The following RANBP17 variants were observed in gnomAD, a reference collection of about 807,000 sequenced individuals.
RANBP17 encodes the protein ran-binding protein 17.
Under a neutral mutation model 141.2 loss-of-function variants are expected in RANBP17, and 158 were observed. The observed-to-expected ratio is 1.12, with a 90% confidence interval of 0.98 to 1.28. RANBP17 has a LOEUF of 1.28. Among genes scored for constraint, RANBP17 ranks in the 50% most tolerant of loss-of-function variants. RANBP17 has a pLI of 0.00. For synonymous variants in RANBP17, 430 were observed against 450.0 expected, an observed-to-expected ratio of 0.96 and a Z score of 0.56; for missense variants, 1,438 against 1,290.7, an observed-to-expected ratio of 1.11 and a Z score of -1.75.
At chr5:171,126,481 T>C (rs1756480081) in intron 14 of RANBP17, among the ~76,000 whole-genome samples, 1 of 151,976 alleles carries the variant, frequency 6.6e-6, no homozygotes, top group East Asian at 1.9e-4. Flanking sequence ...CAGAGCAGAA[T>C]TAAACATAAT....
intron 14 of RANBP17, among the ~76,000 whole-genome samples, chr5:171,089,140 C>T (rs200625674): frequency 0.094 from 14,124 of 149,572 alleles, 764 homozygotes; most frequent in African/African-American, 0.13. Flanking sequence ...GATGGGTTTT[C>T]GGTGTGGATG....
chr5:171,041,175 G>A (rs934702057), intron 14 of RANBP17, among the ~76,000 whole-genome samples: 2 of 152,098 alleles, frequency 1.3e-5, no homozygotes, highest in Non-Finnish European at 2.9e-5. Flanking sequence ...TCCCCAAAGT[G>A]AGTGATGCAA....
intron 25 of RANBP17, among the ~76,000 whole-genome samples, chr5:171,282,356 T>C (rs1193183956): frequency 1.3e-5 from 2 of 152,196 alleles, no homozygotes. Flanking sequence ...GCCAGTAAGA[T>C]AGGACCCAAG....
chr5:171,089,702 G>T (rs555497768), intron 14 of RANBP17, among the ~76,000 whole-genome samples: 73 of 152,268 alleles, frequency 4.8e-4, no homozygotes, highest in African/African-American at 1.6e-3. Flanking sequence ...GCAATATTCG[G>T]GTGGGAGTGA....
intron 14 of RANBP17, among the ~76,000 whole-genome samples, chr5:171,027,904 G>A (rs763485263): frequency 7.9e-5 from 12 of 151,822 alleles, no homozygotes; most frequent in Non-Finnish European, 1.6e-4. Flanking sequence ...TTGAACTTTT[G>A]CAACCAGTTT....
chr5:171,194,704 GT>G (rs1244877585), intron 18 of RANBP17, among the ~76,000 whole-genome samples: 1 of 152,138 alleles, frequency 6.6e-6, no homozygotes. Flanking sequence ...AATATTTACA[GT>G]TTTCTTGGGT....
At chr5:171,287,231 C>CACTT (rs1561831011) in intron 25 of RANBP17, among the ~76,000 whole-genome samples, 2 of 152,204 alleles carry the variant, frequency 1.3e-5, no homozygotes. Flanking sequence ...TGGCTCACGC[C>CACTT]TGTAATCCCA....
At chr5:170,876,353 G>T (rs1321323776) in intron 1 of RANBP17, among the ~76,000 whole-genome samples, 1 of 151,986 alleles carries the variant, frequency 6.6e-6, no homozygotes, top group Non-Finnish European at 1.5e-5. Flanking sequence ...GCCTCCGATC[G>T]CCACTGCTTC....
At chr5:171,030,193 T>C (rs1355048802) in intron 14 of RANBP17, among the ~76,000 whole-genome samples, 1 of 152,108 alleles carries the variant, frequency 6.6e-6, no homozygotes, top group Non-Finnish European at 1.5e-5. Flanking sequence ...TACTGTTGGC[T>C]TCTTGAGATA....
chr5:171,071,389 G>C (rs1358346979), intron 14 of RANBP17, among the ~76,000 whole-genome samples: 2 of 151,904 alleles, frequency 1.3e-5, no homozygotes, highest in African/African-American at 2.4e-5. Context: ...AAGTGAACTA[G>C]AAGAGCCCCC....
chr5:171,160,343 CA>C (rs1466389845), intron 14 of RANBP17, among the ~76,000 whole-genome samples: 3 of 152,150 alleles, frequency 2.0e-5, no homozygotes, highest in Non-Finnish European at 4.4e-5. Flanking sequence ...CCACTTAGAA[CA>C]TATATCTGTT....
intron 14 of RANBP17, among the ~76,000 whole-genome samples, chr5:171,018,623 C>T (rs1368734626): frequency 6.6e-6 from 1 of 152,170 alleles, no homozygotes. Context: ...TGAGACTTTG[C>T]TGAAGTTCCT....
chr5:171,059,013 T>G (rs1163582408), intron 14 of RANBP17, among the ~76,000 whole-genome samples: 1 of 151,830 alleles, frequency 6.6e-6, no homozygotes, highest in African/African-American at 2.4e-5. Context: ...GGAGTTGTTT[T>G]TTTTTTTTCT....
chr5:170,865,610 G>A (rs959709516), intron 1 of RANBP17, among the ~76,000 whole-genome samples: 6 of 152,190 alleles, frequency 3.9e-5, no homozygotes, highest in African/African-American at 7.2e-5. Context: ...ATATCAGGGG[G>A]AGGTGTTGAG....
At chr5:171,083,428 C>A (rs764310459) in intron 14 of RANBP17, among the ~76,000 whole-genome samples, 1 of 152,150 alleles carries the variant, frequency 6.6e-6, no homozygotes, top group African/African-American at 2.4e-5. Context: ...TATTGGACTT[C>A]CAATCTTCAG....
chr5:171,196,827 T>C (rs1052921659), intron 18 of RANBP17, among the ~76,000 whole-genome samples: 1 of 152,072 alleles, frequency 6.6e-6, no homozygotes, highest in African/African-American at 2.4e-5. Flanking sequence ...AACTTTTTTT[T>C]CTTTTTTTTA....
chr5:171,259,563 C>T (rs1171824115), intron 24 of RANBP17, among the ~76,000 whole-genome samples: 1 of 152,178 alleles, frequency 6.6e-6, no homozygotes, highest in East Asian at 1.9e-4. Flanking sequence ...ATAATGTCTT[C>T]TGTAGCGACA....
At chr5:170,937,176 G>A (rs1773951246) in intron 12 of RANBP17, among the ~76,000 whole-genome samples, 1 of 152,152 alleles carries the variant, frequency 6.6e-6, no homozygotes, top group African/African-American at 2.4e-5. Flanking sequence ...TAGAATGGGA[G>A]TTTCATATCT....
intron 14 of RANBP17, among the ~76,000 whole-genome samples, chr5:171,151,188 G>T (rs960289242): frequency 6.6e-6 from 1 of 152,154 alleles, no homozygotes; most frequent in African/African-American, 2.4e-5. Context: ...TGGAGGTTCA[G>T]TTCAAATGAT....
Sources: gnomAD v4.1 joint callset for allele counts (sites outside exome capture counted in the v4.1 genomes callset) on GRCh38, gnomAD v4.1.1 for gene constraint, MANE v1.5 for transcripts, NCBI Gene and HGNC (gene_info 2026-07-23, HGNC 2026-07-21) for gene names.